The following SLIT3 variants were observed in gnomAD, a reference collection of about 807,000 sequenced individuals.
The protein encoded by SLIT3 is slit homolog 3 protein.
SLIT3 carries 68 observed loss-of-function variants against 184.0 expected under a neutral mutation model. The ratio of observed to expected loss-of-function variants is 0.37; its 90% confidence interval spans 0.30 to 0.45. The LOEUF (loss-of-function observed/expected upper bound fraction) is 0.45, where lower values mean the gene tolerates loss of function less well. SLIT3 is among the 20% of genes least tolerant of loss of function. The pLI is 1.00. For synonymous variants in SLIT3, 831 were observed against 828.6 expected (o/e 1.00, Z -0.05); for missense variants, 1,707 against 2,026.0 (o/e 0.84, Z 3.02).
intron 4 of SLIT3, among the ~76,000 whole-genome samples, chr5:169,183,703 C>A (rs1370614858): frequency 6.6e-6 from 1 of 152,148 alleles, no homozygotes; most frequent in South Asian, 2.1e-4. Flanking sequence ...CTTAAGCCAC[C>A]CTTCCAAAGA....
rs1762575945 is a variant in SLIT3, at chr5:169,164,569, T to C, written c.413+28910A>G. Among the ~76,000 whole-genome samples, 7 of 152,204 alleles carry C rather than the reference T, an allele frequency of 4.6e-5. No homozygotes were observed. The South Asian group carries it at 1.2e-3, about 27-fold the overall frequency. ...ACATTTTCCCATTCTCTCCGGGCTG[T>C]TCTGTCATCTCTATGAGTCAGCCTC... On this transcript the variant is annotated intron_variant, in intron 4 of 35. Transcript: ENST00000519560.
intron 4 of SLIT3, among the ~76,000 whole-genome samples, chr5:169,122,318 TATTCTAACCCTGAA>T (rs1760912127): frequency 6.6e-6 from 1 of 152,178 alleles, no homozygotes; most frequent in Non-Finnish European, 1.5e-5. Context: ...AAATGGTCAT[TATTCTAACCCTGAA>T]ATTAAAACAA....
intron 4 of SLIT3, among the ~76,000 whole-genome samples, chr5:168,938,820 G>A (rs760469266): frequency 2.0e-5 from 3 of 151,948 alleles, no homozygotes; most frequent in Non-Finnish European, 4.4e-5. Context: ...TAGTAGAGAC[G>A]GGGTTTCACC....
intron 4 of SLIT3, among the ~76,000 whole-genome samples, chr5:169,073,184 A>G (rs777345525): frequency 1.3e-5 from 2 of 152,220 alleles, no homozygotes; most frequent in Middle Eastern, 6.8e-3. Flanking sequence ...TGGTTTCTCC[A>G]TGTAACAAGG....
At chr5:168,718,092 C>T (rs1441726863) in intron 23 of SLIT3, 1 of 151,768 alleles carries the variant, frequency 6.6e-6, no homozygotes, top group Non-Finnish European at 1.5e-5. Flanking sequence ...AACCCTGGAC[C>T]ATGGTTGGGA....
intron 8 of SLIT3, among the ~76,000 whole-genome samples, chr5:168,814,397 GCAAACAAACAAACAAACAAA>G (rs34174262): frequency 9.5e-4 from 143 of 150,798 alleles, no homozygotes; most frequent in African/African-American, 3.2e-3. Context: ...ACTGTCTCAA[GCAAACAAACAAACAAACAAA>G]CAAACAAACA....
At chr5:168,892,502 G>A (rs887426234) in intron 4 of SLIT3, among the ~76,000 whole-genome samples, 1 of 152,242 alleles carries the variant, frequency 6.6e-6, no homozygotes, top group Non-Finnish European at 1.5e-5. Flanking sequence ...CTGCTTGGGG[G>A]TTCTGAGTAT....
chr5:168,863,464 CA>C (rs1311431339), intron 5 of SLIT3, among the ~76,000 whole-genome samples: 1 of 152,204 alleles, frequency 6.6e-6, no homozygotes, highest in Non-Finnish European at 1.5e-5. Flanking sequence ...GTCAAGGCCA[CA>C]ATCAGAAATG....
chr5:169,286,159 T>A (rs1012286979), intron 1 of SLIT3, among the ~76,000 whole-genome samples: 1 of 152,154 alleles, frequency 6.6e-6, no homozygotes, highest in Non-Finnish European at 1.5e-5. Flanking sequence ...TAGCTACTAA[T>A]GGCATTCAAA....
intron 9 of SLIT3, among the ~76,000 whole-genome samples, chr5:168,799,508 G>A (rs937612697): frequency 6.6e-6 from 1 of 152,190 alleles, no homozygotes; most frequent in Non-Finnish European, 1.5e-5. Flanking sequence ...GTATTGATTT[G>A]CCCTAGTTCC....
chr5:169,153,309 T>C (rs1483774017), intron 4 of SLIT3, among the ~76,000 whole-genome samples: 1 of 151,934 alleles, frequency 6.6e-6, no homozygotes, highest in Non-Finnish European at 1.5e-5. Flanking sequence ...GTAACGATTT[T>C]CTCTCCCTGA....
chr5:169,195,883 C>T (rs1763725788), intron 3 of SLIT3, among the ~76,000 whole-genome samples: 2 of 152,080 alleles, frequency 1.3e-5, no homozygotes, highest in African/African-American at 2.4e-5. Context: ...GCAGTAAAAT[C>T]ACATATCATG....
intron 10 of SLIT3, chr5:168,790,680 G>A (rs1036721529): frequency 6.6e-6 from 1 of 152,200 alleles, no homozygotes; most frequent in Non-Finnish European, 1.5e-5. Context: ...GTGCAGAAGT[G>A]GGAGAGCTGG....
rs564068854 is a variant in SLIT3, at chr5:169,243,537, C to T, written c.341+1168G>A. 1.5e-3 allele frequency among the ~76,000 whole-genome samples: 229 copies of T among 152,306 alleles called. 2 individuals are homozygous for T. Among genetic ancestry groups the T allele is most frequent in the African/African-American group, 5.2e-3 (217 of 41,566 alleles). ...CCCAGAAGGAGAACAATAAATGAGACGGTTCACACAACAGAGAGGGAGGAA... is the reference window on the plus strand; with the variant it reads ...CCCAGAAGGAGAACAATAAATGAGATGGTTCACACAACAGAGAGGGAGGAA... On this transcript the variant is annotated intron_variant, in intron 3 of 35. Transcript: ENST00000519560.
At chr5:168,897,631 T>C (rs1279621586) in intron 4 of SLIT3, among the ~76,000 whole-genome samples, 1 of 49,786 alleles carries the variant, frequency 2.0e-5, no homozygotes, top group African/African-American at 5.1e-5. Context: ...AGAAAGAGGA[T>C]GGAGACAGGT....
rs1301559828 is a variant in SLIT3, at chr5:168,709,245, G to A, written c.2720-1145C>T. ...CAAGTAGCTGGGATTACAAGCATGC[G>A]CCACCACACCTGGCTAATTTTTGTA... On this transcript the variant is annotated intron_variant, in intron 25 of 35. Transcript: ENST00000519560. Among the ~76,000 whole-genome samples, 6 of 152,028 alleles carry A rather than the reference G, an allele frequency of 3.9e-5. 1 individual carries two copies. The highest frequency in any genetic ancestry group is 1.9e-4 in the East Asian group (1 of 5,166).
chr5:168,884,581 T>TATATATATATATATATATA (rs1760116903), intron 4 of SLIT3, among the ~76,000 whole-genome samples: 12 of 131,570 alleles, frequency 9.1e-5, no homozygotes, highest in Non-Finnish European at 1.1e-4. Context: ...TATATATATA[T>TATATATATATATATATATA]GAAATTCCAC....
At chr5:169,194,410 A>G (rs1763676067) in intron 3 of SLIT3, among the ~76,000 whole-genome samples, 1 of 152,160 alleles carries the variant, frequency 6.6e-6, no homozygotes, top group Non-Finnish European at 1.5e-5. Context: ...AATTCTGGCC[A>G]TCTTGGCTCT....
At chr5:169,193,402 G>T in intron 4 of SLIT3, 77 bp downstream of exon 4, 2 of 1,234,408 alleles carry the variant, frequency 1.6e-6, no homozygotes, top group Non-Finnish European at 2.4e-6. Flanking sequence ...ACGGCACGGC[G>T]CTCCACAAAC....
Sources: gnomAD v4.1 joint callset for allele counts (sites outside exome capture counted in the v4.1 genomes callset) on GRCh38, gnomAD v4.1.1 for gene constraint, MANE v1.5 for transcripts, NCBI Gene and HGNC (gene_info 2026-07-23, HGNC 2026-07-21) for gene names.